TTC17: variants seen among roughly 807,000 people sequenced by gnomAD.
The protein encoded by TTC17 is tetratricopeptide repeat protein 17.
Under a neutral mutation model 143.8 loss-of-function variants are expected in TTC17, and 58 were observed. The ratio of observed to expected loss-of-function variants is 0.40; its 90% CI spans 0.33 to 0.50. The LOEUF is 0.50. TTC17 is among the 20% of genes least tolerant of loss of function. The pLI is 0.49. For synonymous variants in TTC17, 501 were observed against 497.8 expected, an observed-to-expected ratio of 1.01 and a Z score of -0.09; for missense variants, 1,273 against 1,392.5, an observed-to-expected ratio of 0.91 and a Z score of 1.37.
At chr11:43,455,832 T>C (rs1399298144) in intron 21 of TTC17, among the ~76,000 whole-genome samples, 1 of 151,874 alleles carries the variant, frequency 6.6e-6, no homozygotes, top group Non-Finnish European at 1.5e-5. Context: ...TTTCAGAGTA[T>C]CAAAAAAAGA....
intron 2 of TTC17, among the ~76,000 whole-genome samples, chr11:43,384,402 T>C (rs539418034): frequency 1.3e-5 from 2 of 152,352 alleles, no homozygotes; most frequent in South Asian, 4.1e-4. Flanking sequence ...ACGCCTGTAA[T>C]CCCAGCACTC....
intron 23 of TTC17, among the ~76,000 whole-genome samples, chr11:43,493,237 T>C (rs1201556472): frequency 6.6e-6 from 1 of 152,196 alleles, no homozygotes; most frequent in East Asian, 1.9e-4. Flanking sequence ...CCAATCTTTG[T>C]TGGCATCTTT....
At chr11:43,413,606 G>A (rs1358691986) in intron 15 of TTC17, among the ~76,000 whole-genome samples, 1 of 151,712 alleles carries the variant, frequency 6.6e-6, no homozygotes, top group African/African-American at 2.4e-5. Context: ...AATATAGACA[G>A]AGAGCTCCTT....
chr11:43,462,392 A>G (rs1366198596), intron 21 of TTC17, among the ~76,000 whole-genome samples: 2 of 152,216 alleles, frequency 1.3e-5, no homozygotes, highest in Non-Finnish European at 2.9e-5. Flanking sequence ...TCTTATAAAG[A>G]AGGAGACAGA....
chr11:43,391,444 A>G (rs765426740), intron 3 of TTC17, 21 bp from the exon 4 acceptor site: 2 of 1,391,256 alleles, frequency 1.4e-6, no homozygotes, highest in South Asian at 1.2e-5. Context: ...TTATTCATTC[A>G]TTGCTTCTTT....
intron 1 of TTC17, chr11:43,370,164 A>G (rs529575811): frequency 6.7e-6 from 3 of 445,516 alleles, no homozygotes; most frequent in East Asian, 1.4e-4. Context: ...TAAACCTCAA[A>G]GAAGATGTAA....
intron 2 of TTC17, among the ~76,000 whole-genome samples, chr11:43,386,704 T>C (rs1857182593): frequency 6.6e-6 from 1 of 152,236 alleles, no homozygotes; most frequent in Admixed American, 6.5e-5. Context: ...GCCATGCATA[T>C]AACTCATAGA....
At chr11:43,406,117 T>C (rs1036887138) in intron 13 of TTC17, among the ~76,000 whole-genome samples, 166 bp downstream of exon 13, 1 of 152,212 alleles carries the variant, frequency 6.6e-6, no homozygotes, top group Admixed American at 6.5e-5. Flanking sequence ...TCAGTCATGC[T>C]ATTAAAGGAG....
intron 21 of TTC17, chr11:43,468,370 T>C (rs1948021956): frequency 6.6e-6 from 1 of 152,202 alleles, no homozygotes; most frequent in Admixed American, 6.5e-5. Context: ...TCAAATGATT[T>C]TCTCAAAGGG....
chr11:43,431,854 A>G (rs1045055549), intron 16 of TTC17, among the ~76,000 whole-genome samples: 1 of 152,248 alleles, frequency 6.6e-6, no homozygotes, highest in African/African-American at 2.4e-5. Flanking sequence ...CTCACTTTGT[A>G]GATGAGGAAA....
chr11:43,484,401 A>C (rs184900930), intron 21 of TTC17, among the ~76,000 whole-genome samples: 3 of 152,348 alleles, frequency 2.0e-5, no homozygotes, highest in African/African-American at 7.2e-5. Context: ...ATCTTACAAA[A>C]GTTATCAAGA....
intron 1 of TTC17, among the ~76,000 whole-genome samples, chr11:43,363,661 A>AT: frequency 6.6e-6 from 1 of 152,356 alleles, no homozygotes; most frequent in Non-Finnish European, 1.5e-5. Context: ...TTTGGAAAAC[A>AT]TTCTTAAAGA....
Position 43,405,429 on chromosome 11 carries a change from T to C in TTC17, c.1480-85T>C. ...AGATATTATAGTTTTGTTCAATTAT[T>C]GTAGTATATCATTTTAAAAGTTTAT... On this transcript the variant is annotated intron_variant, in intron 11 of 23. Transcript: ENST00000039989. 4.2e-6 allele frequency: 4 copies of C among 945,724 alleles called. No individual in the cohort carries two copies. The South Asian group carries it at 5.5e-5, about 13-fold the overall frequency. 58.6% of individuals were successfully genotyped at this position (945,724 alleles called of 1,614,324 possible).
At chr11:43,477,392 T>C (rs548314460) in intron 21 of TTC17, among the ~76,000 whole-genome samples, 1 of 152,182 alleles carries the variant, frequency 6.6e-6, no homozygotes. Flanking sequence ...TAGTACCAAT[T>C]TACTGTATTA....
intron 2 of TTC17, 129 bp from the exon 3 acceptor site, chr11:43,389,523 A>G (rs1590340922): frequency 1.2e-6 from 1 of 861,440 alleles, no homozygotes; most frequent in Non-Finnish European, 1.7e-6. Flanking sequence ...AACTAAGGGC[A>G]TTTTCAGAAT....
At chr11:43,374,612 A>G (rs544290334) in intron 1 of TTC17, among the ~76,000 whole-genome samples, 2 of 152,310 alleles carry the variant, frequency 1.3e-5, no homozygotes, top group Non-Finnish European at 2.9e-5. Context: ...ACAAACAGGC[A>G]CTTCTCAAAA....
chr11:43,426,705 A>G (rs898532900), intron 16 of TTC17, among the ~76,000 whole-genome samples: 8 of 152,302 alleles, frequency 5.3e-5, no homozygotes, highest in Middle Eastern at 6.8e-3. Flanking sequence ...ACTAGACTCA[A>G]ATCTTGATCA....
intron 21 of TTC17, among the ~76,000 whole-genome samples, chr11:43,485,883 G>GT (rs751026290): frequency 0.015 from 1,707 of 112,552 alleles, 23 homozygotes; most frequent in East Asian, 0.034. Flanking sequence ...TTGGTTTTTT[G>GT]TTTTTTTTTT....
At chr11:43,450,309 G>A in intron 20 of TTC17, 68 bp downstream of exon 20, 1 of 1,493,326 alleles carries the variant, frequency 6.7e-7, no homozygotes, top group Non-Finnish European at 8.9e-7. Flanking sequence ...ATACTACATA[G>A]AAAGCCCAGG....
Sources: gnomAD v4.1 joint callset for allele counts (sites outside exome capture counted in the v4.1 genomes callset) on GRCh38, gnomAD v4.1.1 for gene constraint, MANE v1.5 for transcripts, NCBI Gene and HGNC (gene_info 2026-07-23, HGNC 2026-07-21) for gene names.